The following PRMT7 variants were observed in gnomAD, a reference collection of about 807,000 sequenced individuals.
PRMT7 encodes protein arginine N-methyltransferase 7.
A neutral mutation model predicts 85.4 loss-of-function variants in PRMT7; 75 were observed. The observed-to-expected ratio is 0.88, with a 90% CI of 0.73 to 1.06. The LOEUF is 1.06. Ranked by LOEUF, PRMT7 falls within the 50% of genes least tolerant of loss-of-function variation. The probability of loss-of-function intolerance (pLI) is 0.00; values close to 1 mark genes in which losing one functional copy is unlikely to be tolerated. For synonymous variants in PRMT7, 397 were observed against 359.5 expected, an observed-to-expected ratio of 1.10 and a Z score of -1.18; for missense variants, 868 against 915.2, an observed-to-expected ratio of 0.95 and a Z score of 0.67.
At chr16:68,347,610 A>G (rs573133115) in intron 12 of PRMT7, 21 bp from the exon 13 acceptor site, 2 of 1,609,176 alleles carry the variant, frequency 1.2e-6, no homozygotes, top group African/African-American at 2.7e-5. Context: ...CTTACAACTA[A>G]TAGCGTGGTG....
intron 10 of PRMT7, 73 bp downstream of exon 10, chr16:68,345,875 C>T (rs1411513477): frequency 1.3e-6 from 2 of 1,592,266 alleles, no homozygotes; most frequent in East Asian, 2.2e-5. Context: ...TACAGATCCT[C>T]TGGAGGTGCC....
intron 3 of PRMT7, among the ~76,000 whole-genome samples, chr16:68,321,018 C>G (rs2082425064): frequency 6.6e-6 from 1 of 151,972 alleles, no homozygotes; most frequent in African/African-American, 2.4e-5. Flanking sequence ...CCTGTAATCC[C>G]AGCACTTTAG....
chr16:68,324,867 T>A, intron 5 of PRMT7, 35 bp downstream of exon 5: 1 of 1,610,622 alleles, frequency 6.2e-7, no homozygotes, highest in Non-Finnish European at 8.5e-7. Flanking sequence ...GTCCTGCATC[T>A]TGCATGGGAA....
At position 68,357,067 on chromosome 16, in the gene PRMT7, G is replaced by A; in HGVS notation, c.1922G>A (p.Trp641Ter). 1 of 1,608,952 alleles carries A rather than the reference G, an allele frequency of 6.2e-7. No homozygotes were observed. The highest frequency in any genetic ancestry group is 1.1e-5 in the South Asian group (1 of 90,364). ...EPADPEGGCC[W>*]NPHCKQAVYF... Reference sequence around the variant, plus strand: ...TTCTTCCTACAGGGGGGCTGCTGCTGGAACCCCCACTGCAAGCAGGCCGTC... The same window carrying A: ...TTCTTCCTACAGGGGGGCTGCTGCTAGAACCCCCACTGCAAGCAGGCCGTC... The change falls in exon 19 of 19, where the codon TGG (tryptophan) becomes TAG (stop). Residue 641 changes from tryptophan to a stop codon, truncating the protein, a stop_gained. Coordinates refer to ENST00000441236, the MANE Select transcript of PRMT7 (RefSeq NM_019023.5). LOFTEE classifies it low-confidence loss of function (END_TRUNC).
chr16:68,339,587 A>G (rs1162257750), intron 8 of PRMT7, 24 bp downstream of exon 8: 3 of 1,609,792 alleles, frequency 1.9e-6, no homozygotes, highest in Non-Finnish European at 2.5e-6. Flanking sequence ...ACCATAGGTG[A>G]TGGCGCTTTG....
At chr16:68,359,135 T>G (rs898430718), downstream of PRMT7, 1 of 152,410 alleles carries the variant, frequency 6.6e-6, no homozygotes, top group African/African-American at 2.4e-5. Context: ...TGTTGGGGTC[T>G]GGTGTGGGGG....
At chr16:68,339,717 C>T in intron 8 of PRMT7, 71 bp from the exon 9 acceptor site, 2 of 1,576,726 alleles carry the variant, frequency 1.3e-6, no homozygotes, top group Non-Finnish European at 1.7e-6. Context: ...CCAGTGAAGT[C>T]ACTGTAAAAG....
At chr16:68,335,044 A>G (rs1408168407) in intron 6 of PRMT7, among the ~76,000 whole-genome samples, 2 of 152,140 alleles carry the variant, frequency 1.3e-5, no homozygotes, top group Non-Finnish European at 2.9e-5. Context: ...TGATCAGCCC[A>G]GCTTGGCCTC....
In PRMT7 at chr16:68,347,638, C is replaced by T. The variant is rs759282522; in HGVS notation, c.1283C>T (p.Thr428Ile). The part of the protein sequence containing the change: ...AHHLGVEQVF[T>I]VESSAASHKL... Reference sequence around the variant, plus strand: ...GCGTGGTGTTCCCTCTAGGTGTTTACAGTCGAGAGTTCAGCAGCTTCTCAC... The same window carrying T: ...GCGTGGTGTTCCCTCTAGGTGTTTATAGTCGAGAGTTCAGCAGCTTCTCAC... Residue 428 changes from threonine (T) to isoleucine (I), a missense_variant, in exon 13 of 19, where the codon ACA becomes ATA. Physicochemically the swap from Thr to Ile is moderately conservative, Grantham distance 89. Coordinates refer to ENST00000441236, the MANE Select transcript of PRMT7 (RefSeq NM_019023.5). 1 of 1,613,646 alleles carries T rather than the reference C, an allele frequency of 6.2e-7. No individual in the cohort carries two copies. The highest frequency in any genetic ancestry group is 1.1e-5 in the South Asian group (1 of 91,062).
intron 4 of PRMT7, 164 bp downstream of exon 4, chr16:68,321,626 ATT>A (rs1250813531): frequency 3.3e-6 from 2 of 598,814 alleles, no homozygotes; most frequent in African/African-American, 3.8e-5. Context: ...TTCTGGCTCT[ATT>A]TTTGTTGTTT....
intron 3 of PRMT7, among the ~76,000 whole-genome samples, chr16:68,320,087 A>G (rs562588812): frequency 2.0e-5 from 3 of 152,118 alleles, no homozygotes; most frequent in Non-Finnish European, 4.4e-5. Flanking sequence ...GCTCTCCCTA[A>G]TACCGCATCA....
chr16:68,322,847 A>G (rs1319835463), intron 4 of PRMT7, among the ~76,000 whole-genome samples: 1 of 151,974 alleles, frequency 6.6e-6, no homozygotes, highest in Non-Finnish European at 1.5e-5. Flanking sequence ...CCTGGCTAAC[A>G]TGGTGAAACC....
intron 5 of PRMT7, among the ~76,000 whole-genome samples, chr16:68,328,746 C>A (rs997160869): frequency 6.6e-6 from 1 of 152,092 alleles, no homozygotes; most frequent in Non-Finnish European, 1.5e-5. Flanking sequence ...CAGCACGCCT[C>A]CCAGGTTCGT....
chr16:68,347,389 G>A, intron 12 of PRMT7, 95 bp downstream of exon 12: 2 of 1,301,058 alleles, frequency 1.5e-6, no homozygotes, highest in Non-Finnish European at 1.0e-6. Context: ...AAGGCTCTTT[G>A]CAAAGGCCAC....
chr16:68,351,996 T>A (rs1217336441), intron 14 of PRMT7: 1 of 404,626 alleles, frequency 2.5e-6, no homozygotes, highest in African/African-American at 2.1e-5. Flanking sequence ...ACGGGACTCA[T>A]GTCTGGTTGT....
rs373928130 is a variant in PRMT7, at chr16:68,352,203, C to T, written c.1414-45C>T. Reference sequence around the variant, plus strand: ...CGTGTTCCTGTTAACACTCCTGGACCGAGCCCTACTGACACCTGGGCCCTG... The same window carrying T: ...CGTGTTCCTGTTAACACTCCTGGACTGAGCCCTACTGACACCTGGGCCCTG... On this transcript the variant is annotated intron_variant, in intron 14 of 18. Coordinates refer to ENST00000441236, the MANE Select transcript of PRMT7 (RefSeq NM_019023.5). The T allele has an allele frequency of 3.2e-5, 51 of 1,595,810 alleles. No homozygotes were observed. The African/African-American group carries it at 3.5e-4, about 11-fold the overall frequency.
rs532245808 is a variant in PRMT7 at position 68,322,318 on chromosome 16, G to C, written c.132+856G>C. ...GGGCTTAAGCGATCCCCCAACCTCA[G>C]CCTTCCCAGTAGCTGGGACTACAGG... On this transcript the variant is annotated intron_variant, in intron 4 of 18. Transcript: ENST00000441236. The C allele has an allele frequency of 3.2e-4, 130 of 407,144 alleles. 2 individuals carry two copies. Among genetic ancestry groups the C allele is most frequent in the South Asian group, 2.3e-3 (129 of 56,114 alleles). 25.2% of individuals were successfully genotyped at this position (407,144 alleles called of 1,614,324 possible).
chr16:68,356,275 C>G (rs1597523456), intron 17 of PRMT7, among the ~76,000 whole-genome samples: 1 of 152,226 alleles, frequency 6.6e-6, no homozygotes, highest in East Asian at 1.9e-4. Flanking sequence ...TGCTCCGGCC[C>G]TCACCCCACC....
chr16:68,354,903 G>C (rs2088080291), intron 16 of PRMT7: 1 of 152,412 alleles, frequency 6.6e-6, no homozygotes, highest in Non-Finnish European at 1.5e-5. Flanking sequence ...CCCTGTCTTA[G>C]ACCTGGCGCC....
Sources: allele counts gnomAD v4.1 joint callset (sites outside exome capture counted in the v4.1 genomes callset), GRCh38; gene constraint gnomAD v4.1.1; transcripts MANE v1.5; gene names NCBI Gene and HGNC (gene_info 2026-07-23, HGNC 2026-07-21).